ZNF516: variants seen among roughly 807,000 people sequenced by gnomAD.
The protein encoded by ZNF516 is zinc finger protein 516.
ZNF516 carries 19 observed loss-of-function variants against 79.7 expected under a neutral mutation model. The ratio of observed to expected loss-of-function variants is 0.24; its 90% CI spans 0.17 to 0.35. The LOEUF is 0.35. Among genes scored for constraint, ZNF516 ranks in the 10% least tolerant of loss-of-function variants. ZNF516 has a pLI of 1.00. For missense variants in ZNF516, 1,678 were observed against 1,679.5 expected, an observed-to-expected ratio of 1.00 and a Z score of 0.02; for synonymous variants, 877 against 739.5, an observed-to-expected ratio of 1.19 and a Z score of -3.02.
At chr18:76,491,134 A>T (rs1915162193) in intron 1 of ZNF516, 1 of 978,794 alleles carries the variant, frequency 1.0e-6, no homozygotes. Context: ...GAACAAAGTG[A>T]AGTTTAAAAT....
intron 1 of ZNF516, among the ~76,000 whole-genome samples, chr18:76,473,917 G>GGGGGTT (rs1376026558): frequency 9.3e-6 from 1 of 107,658 alleles, no homozygotes; most frequent in Non-Finnish European, 2.0e-5. Flanking sequence ...GGGGGGGGGG[G>GGGGGTT]CTTTCTTTTT....
intron 4 of ZNF516, among the ~76,000 whole-genome samples, chr18:76,376,239 G>A (rs376429045): frequency 5.3e-5 from 8 of 152,140 alleles, no homozygotes; most frequent in Non-Finnish European, 8.8e-5. Context: ...GGAGATGCTC[G>A]GCACTTCTCA....
chr18:76,368,490 T>A (rs543695506), intron 6 of ZNF516, among the ~76,000 whole-genome samples: 8 of 151,712 alleles, frequency 5.3e-5, no homozygotes, highest in Non-Finnish European at 1.0e-4. Flanking sequence ...ATGCCAGGCC[T>A]GAACTGCCAC....
chr18:76,418,242 ATAACACACTAACATACACCG>A (rs543069383), intron 3 of ZNF516, among the ~76,000 whole-genome samples: 1 of 152,018 alleles, frequency 6.6e-6, no homozygotes, highest in African/African-American at 2.4e-5. Context: ...CTATCACACT[ATAACACACTAACATACACCG>A]TAACACACTA....
At chr18:76,439,762 GA>G (rs1056642725) in intron 3 of ZNF516, among the ~76,000 whole-genome samples, 4 of 151,354 alleles carry the variant, frequency 2.6e-5, no homozygotes, top group African/African-American at 7.3e-5. Context: ...AAAGTGAAAA[GA>G]AAAAAAACCC....
intron 6 of ZNF516, 71 bp downstream of exon 6, chr18:76,370,457 A>G: frequency 7.2e-7 from 1 of 1,380,702 alleles, no homozygotes; most frequent in Admixed American, 2.4e-5. Context: ...TGCTTCAGTG[A>G]TGAGCATCAT....
intron 1 of ZNF516, 112 bp downstream of exon 1, chr18:76,495,031 CT>C (rs1482867144): frequency 2.0e-5 from 3 of 150,312 alleles, no homozygotes; most frequent in African/African-American, 7.3e-5. Flanking sequence ...GCCTCCCCCC[CT>C]ACCCCCAGCG....
At chr18:76,402,231 T>C (rs1324593929) in intron 3 of ZNF516, among the ~76,000 whole-genome samples, 1 of 152,194 alleles carries the variant, frequency 6.6e-6, no homozygotes, top group African/African-American at 2.4e-5. Context: ...CTTGCTGAGT[T>C]CAGCAGTGAA....
rs12961800 is a variant in ZNF516, at chr18:76,392,811, A to G, written c.1811-12508T>C. Among the ~76,000 whole-genome samples, 54 of 54,830 alleles carry G rather than the reference A, an allele frequency of 9.8e-4. 1 individual carries two copies. The highest frequency in any genetic ancestry group is 9.0e-3 in the South Asian group (11 of 1,224). The allele number at this position is 54,830 out of a possible 152,430, so 36.0% of individuals were successfully genotyped here. ...GGGAAGGCAGGTGGCCAGGTGGGGG[A>G]AAGGCAGGTAGTCAGGTGGGAAGCC... On this transcript the variant is annotated intron_variant, in intron 3 of 6. Transcript: ENST00000443185.
At chr18:76,410,232 C>T (rs537475103) in intron 3 of ZNF516, among the ~76,000 whole-genome samples, 12 of 152,292 alleles carry the variant, frequency 7.9e-5, no homozygotes, top group South Asian at 6.2e-4. Flanking sequence ...TATGAGGGCT[C>T]GCCACAGCTG....
Position 76,380,227 on chromosome 18 carries a change from C to G in ZNF516, c.1887G>C (p.Lys629Asn). Residue 629 changes from lysine to asparagine, a missense_variant, in exon 4 of 7, where the codon AAG (lysine) becomes AAC (asparagine). Around this residue, in one of 5 missense-constraint regions of ZNF516, gnomAD observed 1,294 missense variants for 1,248.3 expected, o/e 1.04. Transcript: ENST00000443185. ...TELSSGDQSH[K>N]MGDNASERDT... ...CTCTTTCCGAGGCGTTATCTCCCAT[C>G]TTGTGACTCTGGTCTCCACTGGAGA... 7 of 1,614,032 alleles carry G rather than the reference C, an allele frequency of 4.3e-6. No homozygotes were observed. The highest frequency in any genetic ancestry group is 5.1e-6 in the Non-Finnish European group (6 of 1,179,904).
chr18:76,418,175 G>A (rs1487681798), intron 3 of ZNF516, among the ~76,000 whole-genome samples: 4 of 151,236 alleles, frequency 2.6e-5, no homozygotes, highest in East Asian at 3.9e-4. Flanking sequence ...TGTAACACAC[G>A]CTGCAACACA....
rs948043236 is a variant in ZNF516, at chr18:76,361,675, G to C, written c.*823C>G. ...TATAGTCTTCCTTTGTAAGCAGTTT[G>C]CAGAATGTAGCCCTGTTACAAAAAG... On this transcript the variant is annotated 3_prime_UTR_variant, in exon 7 of 7. Coordinates refer to ENST00000443185, the MANE Select transcript of ZNF516 (RefSeq NM_014643.4). The C allele has an allele frequency of 6.6e-6, 1 of 152,238 alleles. No individual in the cohort carries two copies. Among genetic ancestry groups the C allele is most frequent in the African/African-American group, 2.4e-5 (1 of 41,464 alleles). 9.4% of individuals were successfully genotyped at this position (152,238 alleles called of 1,614,324 possible).
intron 3 of ZNF516, among the ~76,000 whole-genome samples, chr18:76,384,892 C>T (rs562049328): frequency 9.2e-5 from 14 of 152,328 alleles, no homozygotes; most frequent in East Asian, 1.9e-4. Context: ...TTGAGCATGG[C>T]GTGGCCCTGC....
chr18:76,434,333 A>G (rs1330639838), intron 3 of ZNF516, among the ~76,000 whole-genome samples: 1 of 152,222 alleles, frequency 6.6e-6, no homozygotes, highest in Non-Finnish European at 1.5e-5. Context: ...TCGGGGCTGA[A>G]AGTCGTATCC....
At chr18:76,487,925 A>C in intron 1 of ZNF516, 1 of 985,240 alleles carries the variant, frequency 1.0e-6, no homozygotes, top group South Asian at 4.7e-5. Flanking sequence ...CCAGGAGGGG[A>C]GGGAGAAGAA....
At chr18:76,408,966 C>A (rs572796089) in intron 3 of ZNF516, among the ~76,000 whole-genome samples, 1 of 152,010 alleles carries the variant, frequency 6.6e-6, no homozygotes, top group Non-Finnish European at 1.5e-5. Flanking sequence ...GCCAAAGATA[C>A]GAAAAGTTAA....
rs1298090358 is a variant in ZNF516 at position 76,361,242 on chromosome 18, G to A, written c.*1256C>T. The A allele has an allele frequency of 2.0e-5, 3 of 152,006 alleles. No homozygotes were observed. Among genetic ancestry groups the A allele is most frequent in the African/African-American group, 4.8e-5 (2 of 41,336 alleles). The allele number at this position is 152,006 out of a possible 1,614,324, so 9.4% of individuals were successfully genotyped here. On this transcript the variant is annotated 3_prime_UTR_variant, in exon 7 of 7. Transcript: ENST00000443185. ...ATATTACCATCACACATAGTGTCACGGCAATGGGAAAAGAAAATATTTATA... is the reference window on the plus strand; with the variant it reads ...ATATTACCATCACACATAGTGTCACAGCAATGGGAAAAGAAAATATTTATA...
Position 76,442,963 on chromosome 18 carries a change from G to A in ZNF516, c.92C>T (p.Ala31Val), listed in dbSNP as rs929073976. 1 of 1,608,044 alleles carries A rather than the reference G, an allele frequency of 6.2e-7. No individual in the cohort carries two copies. Among genetic ancestry groups the A allele is most frequent in the Admixed American group, 1.7e-5 (1 of 60,014 alleles). ...GCAGATGCAGCAGGTGTGGCAGGTA[G>A]CCTTGTCCCCATCCACCTCGTGGCC... The part of the protein sequence containing the change: ...GRGHEVDGDK[A>V]TCHTCCICGK... Residue 31 changes from alanine (A) to valine (V), a missense_variant, in exon 3 of 7, where the codon GCT (alanine) becomes GTT (valine). By Grantham distance (64) the Ala-to-Val change is moderately conservative. This residue lies in a region of ZNF516 where 62 missense variants were observed against 58.9 expected (regional missense o/e 1.05). Coordinates refer to ENST00000443185, the MANE Select transcript of ZNF516 (RefSeq NM_014643.4).
Sources: gnomAD v4.1 joint callset for allele counts (sites outside exome capture counted in the v4.1 genomes callset) on GRCh38, gnomAD v4.1.1 for gene constraint, gnomAD v4.1.1 regional missense constraint, MANE v1.5 for transcripts, NCBI Gene and HGNC (gene_info 2026-07-23, HGNC 2026-07-21) for gene names.